Variants in ZNF521 observed in about 807,000 individuals in gnomAD.
ZNF521 encodes the protein LYST-interacting protein 3.
In ZNF521, 14 loss-of-function variants were observed where a neutral mutation model predicts 105.5. The ratio of observed to expected loss-of-function variants is 0.13; its 90% CI spans 0.09 to 0.21. The LOEUF (loss-of-function observed/expected upper bound fraction) is 0.21, where lower values mean the gene tolerates loss of function less well. Ranked by LOEUF, ZNF521 falls within the 10% of genes least tolerant of loss-of-function variation. ZNF521 has a pLI of 1.00. For missense variants in ZNF521, 1,233 were observed against 1,629.7 expected (o/e 0.76, Z 4.19); for synonymous variants, 635 against 606.0 (o/e 1.05, Z -0.70).
chr18:25,071,477 G>A (rs1330290423), intron 7 of ZNF521, among the ~76,000 whole-genome samples: 1 of 152,156 alleles, frequency 6.6e-6, no homozygotes, highest in East Asian at 1.9e-4. Flanking sequence ...ATTAAACTCT[G>A]GAAATCAGTA....
At chr18:25,229,988 G>A (rs991634568) in intron 3 of ZNF521, among the ~76,000 whole-genome samples, 2 of 152,108 alleles carry the variant, frequency 1.3e-5, no homozygotes, top group Non-Finnish European at 2.9e-5. Context: ...CCTAACACCA[G>A]GCTTAATTCA....
chr18:25,144,643 T>C (rs1224933125), intron 5 of ZNF521, among the ~76,000 whole-genome samples: 3 of 151,964 alleles, frequency 2.0e-5, no homozygotes, highest in Non-Finnish European at 4.4e-5. Context: ...GAAATGCAAC[T>C]CATTGCCATG....
In ZNF521 at chr18:25,282,786, A is replaced by T. The variant is rs577590800; in HGVS notation, c.220+39222T>A. 2.8e-4 allele frequency among the ~76,000 whole-genome samples: 43 copies of T among 152,240 alleles called. 1 individual carries two copies. The highest frequency in any genetic ancestry group is 1.0e-3 in the African/African-American group (42 of 41,536). ...TCCCCCCTTTAGGCCTTTACCAGGG[A>T]CACCTGCAAATAAGAAAAACAAAAC... On this transcript the variant is annotated intron_variant, in intron 3 of 7. Transcript: ENST00000361524.
chr18:25,124,319 TAGTTTTAACAAC>T (rs1331139663), intron 5 of ZNF521, among the ~76,000 whole-genome samples: 1 of 152,114 alleles, frequency 6.6e-6, no homozygotes, highest in Non-Finnish European at 1.5e-5. Flanking sequence ...GTATACCTTT[TAGTTTTAACAAC>T]AGCTGCAGTC....
At position 25,185,760 on chromosome 18, in the gene ZNF521, A is replaced by G. The variant is rs377579101; in HGVS notation, c.3658+9400T>C. On this transcript the variant is annotated intron_variant, in intron 5 of 7. Transcript: ENST00000361524. ...AAAAATAAATAAATAAACAGAGGTG[A>G]AACCTGAACGCAGCATGGTGCTAAA... is the stretch of plus-strand genomic sequence containing the variant. 5.3e-5 allele frequency among the ~76,000 whole-genome samples: 8 copies of G among 152,334 alleles called. No homozygotes were observed. The East Asian group carries it at 1.2e-3, about 22-fold the overall frequency.
Position 25,335,235 on chromosome 18 carries a change from A to G in ZNF521, c.41-13048T>C, listed in dbSNP as rs543810665. On this transcript the variant is annotated intron_variant, in intron 2 of 7. Transcript: ENST00000361524. ...TCACCTAAAATGTGTATAGCCATGAAAGGTAGTTCCTAGAATTATAAATCA... is the reference window on the plus strand; with the variant it reads ...TCACCTAAAATGTGTATAGCCATGAGAGGTAGTTCCTAGAATTATAAATCA... 1.4e-4 allele frequency among the ~76,000 whole-genome samples: 22 copies of G among 152,290 alleles called. No individual in the cohort carries two copies. The South Asian group carries it at 3.9e-3, about 27-fold the overall frequency.
At chr18:25,259,646 G>A (rs568718423) in intron 3 of ZNF521, among the ~76,000 whole-genome samples, 9 of 152,036 alleles carry the variant, frequency 5.9e-5, no homozygotes, top group Admixed American at 1.3e-4. Context: ...TTCCATCCAC[G>A]CATTGGGCAA....
chr18:25,136,479 T>A (rs888179834), intron 5 of ZNF521, among the ~76,000 whole-genome samples: 1 of 152,204 alleles, frequency 6.6e-6, no homozygotes, highest in African/African-American at 2.4e-5. Context: ...TGTGACCTCA[T>A]TGAATTCTTT....
intron 4 of ZNF521, among the ~76,000 whole-genome samples, chr18:25,195,923 T>C (rs1309257281): frequency 6.6e-6 from 1 of 151,768 alleles, no homozygotes; most frequent in Non-Finnish European, 1.5e-5. Flanking sequence ...ATGAAGAAAC[T>C]GAGGTCCAGA....
chr18:25,250,100 G>A (rs762899153), intron 3 of ZNF521, among the ~76,000 whole-genome samples: 16 of 151,968 alleles, frequency 1.1e-4, no homozygotes, highest in Non-Finnish European at 1.9e-4. Flanking sequence ...CACCACTCCC[G>A]GCTAATTTTT....
intron 7 of ZNF521, among the ~76,000 whole-genome samples, chr18:25,083,931 ATTTTTTTTTTT>A (rs56364504): frequency 0.055 from 3,179 of 58,072 alleles, 103 homozygotes; most frequent in African/African-American, 0.13. Flanking sequence ...AACCTGGGTA[ATTTTTTTTTTT>A]TTTTTTTTTT....
intron 7 of ZNF521, among the ~76,000 whole-genome samples, chr18:25,071,366 C>A (rs1461733077): frequency 2.0e-5 from 3 of 152,256 alleles, no homozygotes; most frequent in South Asian, 4.2e-4. Flanking sequence ...TCAAGACCAT[C>A]CATATACCAT....
At chr18:25,199,233 A>G (rs77552244) in intron 4 of ZNF521, among the ~76,000 whole-genome samples, 1 of 101,818 alleles carries the variant, frequency 9.8e-6, no homozygotes, top group African/African-American at 2.9e-5. Context: ...TATTACTATG[A>G]GGGGGAAAAA....
chr18:25,349,858 G>T (rs1914642997), intron 2 of ZNF521, among the ~76,000 whole-genome samples: 1 of 150,474 alleles, frequency 6.6e-6, no homozygotes, highest in Admixed American at 6.6e-5. Flanking sequence ...CGCCTCCAGC[G>T]CTGGCCCCCT....
chr18:25,079,344 C>T (rs1186192397), intron 7 of ZNF521, among the ~76,000 whole-genome samples: 6 of 152,260 alleles, frequency 3.9e-5, no homozygotes, highest in African/African-American at 1.4e-4. Context: ...GGCCTCCATC[C>T]ACGCTCAGGC....
intron 5 of ZNF521, among the ~76,000 whole-genome samples, chr18:25,167,119 A>G (rs1052194885): frequency 3.9e-5 from 6 of 152,190 alleles, no homozygotes; most frequent in African/African-American, 1.4e-4. Flanking sequence ...GTTCATCTGA[A>G]TGGGTACTTA....
chr18:25,238,220 T>G (rs2144784958), intron 3 of ZNF521, among the ~76,000 whole-genome samples: 1 of 152,320 alleles, frequency 6.6e-6, no homozygotes, highest in East Asian at 1.9e-4. Context: ...TGAATAAACC[T>G]AAAGTGGTGT....
chr18:25,318,228 C>T (rs991911202), intron 3 of ZNF521, among the ~76,000 whole-genome samples: 9 of 151,980 alleles, frequency 5.9e-5, no homozygotes, highest in East Asian at 1.9e-4. Flanking sequence ...AAAGGGTGCA[C>T]GCCGTACAAT....
chr18:25,115,859 G>A (rs540120959), intron 5 of ZNF521, among the ~76,000 whole-genome samples: 1 of 152,250 alleles, frequency 6.6e-6, no homozygotes, highest in African/African-American at 2.4e-5. Flanking sequence ...TTTGAGGCAG[G>A]GCCTGACTCC....
Sources: gnomAD v4.1 joint callset for allele counts (sites outside exome capture counted in the v4.1 genomes callset) on GRCh38, gnomAD v4.1.1 for gene constraint, MANE v1.5 for transcripts, NCBI Gene and HGNC (gene_info 2026-07-23, HGNC 2026-07-21) for gene names.